GSAP: variants seen among roughly 807,000 people sequenced by gnomAD.
GSAP encodes gamma-secretase activating protein.
GSAP carries 118 observed loss-of-function variants against 131.7 expected under a neutral mutation model. The ratio of observed to expected loss-of-function variants is 0.90; its 90% CI spans 0.77 to 1.04. GSAP has a LOEUF of 1.04. GSAP is among the 50% of genes least tolerant of loss of function. GSAP has a pLI of 0.00. For synonymous variants in GSAP, 381 were observed against 363.4 expected (o/e 1.05, Z -0.55); for missense variants, 1,019 against 1,013.2 (o/e 1.01, Z -0.08).
intron 19 of GSAP, among the ~76,000 whole-genome samples, chr7:77,337,541 T>C (rs574995733): frequency 7.9e-5 from 12 of 152,284 alleles, no homozygotes; most frequent in African/African-American, 2.9e-4. Flanking sequence ...AGGTATAAAC[T>C]ACTCTTCTCC....
At chr7:77,321,189 T>C in intron 25 of GSAP, 144 bp downstream of exon 25, 1 of 637,746 alleles carries the variant, frequency 1.6e-6, no homozygotes. Context: ...GGCATAACTT[T>C]AAATGCTGAG....
chr7:77,376,549 G>A (rs376437280), intron 10 of GSAP, among the ~76,000 whole-genome samples: 3 of 152,152 alleles, frequency 2.0e-5, no homozygotes, highest in Non-Finnish European at 4.4e-5. Context: ...GCCGAGGCAG[G>A]TGGATCACGA....
At position 77,355,774 on chromosome 7, in the gene GSAP, C is replaced by T. The variant is rs571222390; in HGVS notation, c.1028-127G>A. On this transcript the variant is annotated intron_variant, in intron 14 of 30. Coordinates refer to ENST00000257626, the MANE Select transcript of GSAP (RefSeq NM_017439.4). The stretch of plus-strand genomic sequence containing the variant: ...AAGTTTTACCAATGTAATAAGCTAT[C>T]TAATGACAGCCCGTTTTTTTTTTTT... 5.2e-5 allele frequency: 26 copies of T among 497,342 alleles called. No homozygotes were observed. In the South Asian group the frequency reaches 6.2e-4, roughly 12 times the overall value. 30.8% of individuals were successfully genotyped at this position (497,342 alleles called of 1,614,324 possible). A position where few individuals can be genotyped will look rare whatever the true frequency, so the allele number is the denominator to read the frequency against.
At chr7:77,320,342 A>AT (rs1282089944) in intron 26 of GSAP, among the ~76,000 whole-genome samples, 1 of 152,198 alleles carries the variant, frequency 6.6e-6, no homozygotes, top group Non-Finnish European at 1.5e-5. Context: ...CTCCAAGCGT[A>AT]TAAGAATCAG....
chr7:77,320,018 T>TA (rs1787413991), intron 26 of GSAP, among the ~76,000 whole-genome samples: 1 of 93,832 alleles, frequency 1.1e-5, no homozygotes, highest in Admixed American at 9.4e-5. Context: ...GTTAAGAGGG[T>TA]AGGTCTCAAG....
intron 20 of GSAP, chr7:77,329,943 C>T (rs975941911): frequency 1.0e-5 from 2 of 193,800 alleles, no homozygotes; most frequent in African/African-American, 2.3e-5. Flanking sequence ...TTTTTAATAT[C>T]AATTTTTAAC....
chr7:77,360,720 G>A (rs1213969753), intron 14 of GSAP, 104 bp downstream of exon 14: 1 of 649,810 alleles, frequency 1.5e-6, no homozygotes, highest in South Asian at 1.8e-5. Flanking sequence ...ATCACAATCC[G>A]AGTCTCAAAG....
intron 19 of GSAP, among the ~76,000 whole-genome samples, chr7:77,340,373 G>C (rs1204673519): frequency 1.3e-5 from 2 of 152,108 alleles, no homozygotes; most frequent in African/African-American, 4.8e-5. Context: ...CGTGACATTT[G>C]GTGCCGAAGA....
At position 77,381,312 on chromosome 7, in the gene GSAP, T is replaced by C. The variant is rs1304970306; in HGVS notation, c.569A>G (p.Asn190Ser). 5.1e-6 allele frequency: 8 copies of C among 1,559,700 alleles called. No individual in the cohort carries two copies. The highest frequency in any genetic ancestry group is 3.4e-4 in the Middle Eastern group (2 of 5,914). Residue 190 changes from asparagine (N) to serine (S), a missense_variant, in exon 8 of 31, where the codon AAT becomes AGT. Asn to Ser is a conservative substitution (Grantham distance 46). Coordinates refer to ENST00000257626, the MANE Select transcript of GSAP (RefSeq NM_017439.4). ...AGAATTTCAAATCTTTACCACTCTATTTCCATCTTCTTGGGCGACATGGAT... is the reference window on the plus strand; with the variant it reads ...AGAATTTCAAATCTTTACCACTCTACTTCCATCTTCTTGGGCGACATGGAT... Reference protein sequence around the residue: ...FRIHVAQEDGNRVVIKNSGHL... With the variant: ...FRIHVAQEDGSRVVIKNSGHL...
intron 12 of GSAP, 147 bp downstream of exon 12, chr7:77,373,923 A>AGATTT (rs1796477176): frequency 1.6e-6 from 1 of 620,620 alleles, no homozygotes; most frequent in African/African-American, 1.9e-5. Context: ...AAATTAATGA[A>AGATTT]GATTTGATAC....
intron 5 of GSAP, among the ~76,000 whole-genome samples, chr7:77,389,358 GA>G (rs1277400447): frequency 2.7e-5 from 4 of 149,728 alleles, no homozygotes; most frequent in Admixed American, 2.0e-4. Context: ...TTAACATAGT[GA>G]AATGCCGTCT....
intron 1 of GSAP, among the ~76,000 whole-genome samples, chr7:77,411,483 A>G (rs1265109961): frequency 6.6e-6 from 1 of 152,268 alleles, no homozygotes; most frequent in East Asian, 1.9e-4. Context: ...TACCAGCAAT[A>G]GTTACAACAT....
At chr7:77,383,954 T>G (rs990231692) in intron 6 of GSAP, among the ~76,000 whole-genome samples, 1 of 152,346 alleles carries the variant, frequency 6.6e-6, no homozygotes, top group East Asian at 1.9e-4. Flanking sequence ...AGTTCCCTTT[T>G]AGAAATGAAA....
At chr7:77,312,648 G>C (rs192814224) in intron 28 of GSAP, among the ~76,000 whole-genome samples, 1 of 152,346 alleles carries the variant, frequency 6.6e-6, no homozygotes, top group Admixed American at 6.5e-5. Context: ...ATGTTTCCCA[G>C]AGAGATCTAG....
intron 30 of GSAP, 45 bp from the exon 31 acceptor site, chr7:77,311,494 G>T: frequency 1.0e-6 from 1 of 953,166 alleles, no homozygotes; most frequent in Middle Eastern, 2.1e-4. Flanking sequence ...GTTACCATGG[G>T]TCCGTGAAAC....
At chr7:77,395,615 ATGAT>A (rs1800247218) in intron 5 of GSAP, among the ~76,000 whole-genome samples, 1 of 152,086 alleles carries the variant, frequency 6.6e-6, no homozygotes, top group Admixed American at 6.6e-5. Context: ...AGCAATACAA[ATGAT>A]GAGATTTCAG....
intron 12 of GSAP, among the ~76,000 whole-genome samples, chr7:77,370,918 G>A (rs567187351): frequency 6.6e-6 from 1 of 151,996 alleles, no homozygotes; most frequent in Non-Finnish European, 1.5e-5. Flanking sequence ...TACTTGTTTT[G>A]GTTTTCCCTT....
intron 19 of GSAP, among the ~76,000 whole-genome samples, chr7:77,345,973 T>C (rs1791747443): frequency 6.6e-6 from 1 of 152,166 alleles, no homozygotes; most frequent in South Asian, 2.1e-4. Flanking sequence ...TCTGGGCTCT[T>C]AACCTTAGGG....
In GSAP at chr7:77,360,903, T is replaced by C. The variant is rs1009064780; in HGVS notation, c.950-2A>G. 3.2e-6 allele frequency: 5 copies of C among 1,566,426 alleles called. No individual in the cohort carries two copies. Among genetic ancestry groups the C allele is most frequent in the South Asian group, 1.1e-5 (1 of 89,980 alleles). On this transcript the variant is annotated splice_acceptor_variant, in intron 13 of 30. Coordinates refer to ENST00000257626, the MANE Select transcript of GSAP (RefSeq NM_017439.4). LOFTEE classifies it high-confidence loss of function. ...AAGTGGTGAAGGTCTTGCTGTGTCC[T>C]GCAAAGAGAGAATATGAAGCCAGAG...
Sources: allele counts gnomAD v4.1 joint callset (sites outside exome capture counted in the v4.1 genomes callset), GRCh38; gene constraint gnomAD v4.1.1; transcripts MANE v1.5; gene names NCBI Gene and HGNC (gene_info 2026-07-23, HGNC 2026-07-21).